SPICE1: variants seen among roughly 807,000 people sequenced by gnomAD.
The protein encoded by SPICE1 is spindle and centriole associated protein 1.
SPICE1 carries 75 observed loss-of-function variants against 102.7 expected under a neutral mutation model. The ratio of observed to expected loss-of-function variants is 0.73; its 90% CI spans 0.61 to 0.88. The LOEUF (loss-of-function observed/expected upper bound fraction) is 0.88. Among genes scored for constraint, SPICE1 ranks in the 40% least tolerant of loss-of-function variants. The pLI, the probability that SPICE1 is intolerant of heterozygous loss-of-function variation, is 0.00. For missense variants in SPICE1, 979 were observed against 1,020.1 expected, an observed-to-expected ratio of 0.96 and a Z score of 0.55; for synonymous variants, 308 against 350.3, an observed-to-expected ratio of 0.88 and a Z score of 1.35.
intron 7 of SPICE1, among the ~76,000 whole-genome samples, chr3:113,472,146 C>T (rs1576631519): frequency 6.6e-6 from 1 of 152,228 alleles, no homozygotes; most frequent in African/African-American, 2.4e-5. Context: ...GCACCTGGCT[C>T]GGAGGGTCTT....
chr3:113,444,104 C>T lies in SPICE1; in HGVS notation c.*1203G>A, dbSNP rs1935456650. The T allele has an allele frequency of 6.6e-6, 1 of 152,078 alleles. No homozygotes were observed. Among genetic ancestry groups the T allele is most frequent in the South Asian group, 2.1e-4 (1 of 4,824 alleles). 9.4% of individuals were successfully genotyped at this position (152,078 alleles called of 1,614,324 possible). On this transcript the variant is annotated 3_prime_UTR_variant, in exon 18 of 18. Coordinates refer to ENST00000295872, the MANE Select transcript of SPICE1 (RefSeq NM_144718.4). ...AAGTAATCTCAGTTTGAATTGTTCA[C>T]TCAGGTTGAGAATTCCTATCATAGA...
intron 1 of SPICE1, among the ~76,000 whole-genome samples, chr3:113,512,405 C>CT (rs34015506): frequency 0.17 from 17,630 of 104,436 alleles, 2,014 homozygotes; most frequent in East Asian, 0.37. Context: ...GAAAAGCTTT[C>CT]TTTTTTTTTT....
At chr3:113,501,079 T>C (rs901438577) in intron 3 of SPICE1, among the ~76,000 whole-genome samples, 3 of 152,074 alleles carry the variant, frequency 2.0e-5, no homozygotes, top group Admixed American at 6.6e-5. Flanking sequence ...ATCAGTGAAA[T>C]AGAATTGAGA....
chr3:113,508,738 A>G (rs1196618279), intron 1 of SPICE1, among the ~76,000 whole-genome samples: 4 of 152,232 alleles, frequency 2.6e-5, no homozygotes, highest in African/African-American at 9.6e-5. Flanking sequence ...AACATGACCC[A>G]GCAATTCAAC....
At chr3:113,493,475 C>G (rs895763560) in intron 5 of SPICE1, among the ~76,000 whole-genome samples, 163 bp from the exon 6 acceptor site, 1 of 152,208 alleles carries the variant, frequency 6.6e-6, no homozygotes, top group African/African-American at 2.4e-5. Flanking sequence ...AACGTACTTA[C>G]ATATATTAAC....
chr3:113,501,213 A>C (rs145554263), intron 3 of SPICE1, among the ~76,000 whole-genome samples: 5 of 152,286 alleles, frequency 3.3e-5, no homozygotes, highest in Non-Finnish European at 7.4e-5. Flanking sequence ...CCTTTAGCAA[A>C]AAATAAAGTT....
At chr3:113,514,538 C>A in intron 1 of SPICE1, 1 of 414,450 alleles carries the variant, frequency 2.4e-6, no homozygotes, top group Admixed American at 2.7e-5. Flanking sequence ...CCCGCAAATC[C>A]TAAAACCAAG....
intron 7 of SPICE1, among the ~76,000 whole-genome samples, chr3:113,477,736 T>C (rs2107476551): frequency 7.6e-6 from 1 of 130,830 alleles, no homozygotes; most frequent in South Asian, 2.3e-4. Flanking sequence ...AACTGAACAA[T>C]GAGAACACAT....
At chr3:113,486,928 A>C (rs913107298) in intron 7 of SPICE1, among the ~76,000 whole-genome samples, 2 of 151,418 alleles carry the variant, frequency 1.3e-5, no homozygotes, top group Non-Finnish European at 2.9e-5. Context: ...ATAAATTTAA[A>C]AACTAAGGAA....
At chr3:113,500,877 G>A (rs998225561) in intron 3 of SPICE1, among the ~76,000 whole-genome samples, 2 of 152,122 alleles carry the variant, frequency 1.3e-5, no homozygotes, top group African/African-American at 2.4e-5. Flanking sequence ...TTAACAATCT[G>A]CCCATTGAGA....
At chr3:113,497,749 T>C (rs1228431825) in intron 4 of SPICE1, among the ~76,000 whole-genome samples, 1 of 148,254 alleles carries the variant, frequency 6.7e-6, no homozygotes, top group Non-Finnish European at 1.5e-5. Context: ...TCTCACTCTG[T>C]TGCCCAGGCT....
At chr3:113,512,895 G>A (rs1937248335) in intron 1 of SPICE1, among the ~76,000 whole-genome samples, 3 of 152,114 alleles carry the variant, frequency 2.0e-5, no homozygotes. Flanking sequence ...CTAGGCATTA[G>A]AGATACAAGT....
intron 1 of SPICE1, among the ~76,000 whole-genome samples, chr3:113,513,877 A>C (rs1296600117): frequency 1.3e-5 from 2 of 152,228 alleles, no homozygotes; most frequent in African/African-American, 2.4e-5. Flanking sequence ...AGAAAGTAGA[A>C]TAGTCTATGC....
chr3:113,473,474 C>T (rs950733380), intron 7 of SPICE1, among the ~76,000 whole-genome samples: 4 of 152,020 alleles, frequency 2.6e-5, no homozygotes, highest in East Asian at 1.9e-4. Flanking sequence ...AACACCAAGA[C>T]GCATAATTGT....
rs1475138909 is a variant in SPICE1 at position 113,477,127 on chromosome 3, C to T, written c.612-7889G>A. Among the ~76,000 whole-genome samples the T allele has an allele frequency of 4.2e-4, 64 of 151,930 alleles. 1 individual carries two copies. Among genetic ancestry groups the T allele is most frequent in the Admixed American group, 2.1e-3 (32 of 15,238 alleles). On this transcript the variant is annotated intron_variant, in intron 7 of 17. Coordinates refer to ENST00000295872, the MANE Select transcript of SPICE1 (RefSeq NM_144718.4). Reference sequence around the variant, plus strand: ...ACCCCATCAAAAAGTGGGCAAAGGACATGAACAGACACTTCTCAAAAGAAG... The same window carrying T: ...ACCCCATCAAAAAGTGGGCAAAGGATATGAACAGACACTTCTCAAAAGAAG...
intron 7 of SPICE1, 109 bp from the exon 8 acceptor site, chr3:113,469,347 A>G (rs1936140510): frequency 8.3e-6 from 2 of 241,462 alleles, no homozygotes; most frequent in South Asian, 1.6e-4. Flanking sequence ...CATTATCTAT[A>G]TTATTATAAT....
chr3:113,461,337 A>T (rs996356512), intron 11 of SPICE1, among the ~76,000 whole-genome samples: 3 of 151,440 alleles, frequency 2.0e-5, no homozygotes, highest in South Asian at 2.1e-4. Context: ...ATATATATAT[A>T]TTTTTAATAT....
chr3:113,485,020 G>C (rs1289303431), intron 7 of SPICE1, among the ~76,000 whole-genome samples: 5 of 152,108 alleles, frequency 3.3e-5, no homozygotes, highest in Non-Finnish European at 7.4e-5. Context: ...GAGGAACCTT[G>C]CACTCTGACC....
chr3:113,514,786 C>A (rs1028964458), intron 1 of SPICE1, 111 bp downstream of exon 1: 2 of 1,285,182 alleles, frequency 1.6e-6, no homozygotes, highest in African/African-American at 3.0e-5. Flanking sequence ...CAATCGAGCA[C>A]CCCCAATTAC....
Sources: gnomAD v4.1 joint callset for allele counts (sites outside exome capture counted in the v4.1 genomes callset) on GRCh38, gnomAD v4.1.1 for gene constraint, MANE v1.5 for transcripts, NCBI Gene and HGNC (gene_info 2026-07-23, HGNC 2026-07-21) for gene names.